The following BANF2 variants were observed in gnomAD, a reference collection of about 807,000 sequenced individuals.
BANF2 encodes the protein barrier-to-autointegration factor-like protein.
In BANF2, 4 loss-of-function variants were observed where a neutral mutation model predicts 8.0. The observed-to-expected ratio is 0.50, with a 90% confidence interval of 0.25 to 1.14. The LOEUF (loss-of-function observed/expected upper bound fraction) is 1.14, where lower values mean the gene tolerates loss of function less well. Ranked by LOEUF, BANF2 falls within the 50% of genes most tolerant of loss-of-function variation. The pLI is 0.16. For synonymous variants in BANF2, 50 were observed against 40.6 expected (o/e 1.23, Z -0.88); for missense variants, 96 against 107.5 (o/e 0.89, Z 0.47).
intron 1 of BANF2, among the ~76,000 whole-genome samples, chr20:17,710,587 C>T (rs1236044013): frequency 3.9e-5 from 6 of 152,136 alleles, no homozygotes; most frequent in Admixed American, 6.6e-5. Flanking sequence ...TTTCTAGTCC[C>T]GGGGTGAGCC....
chr20:17,700,839 T>C (rs1475018), intron 1 of BANF2, among the ~76,000 whole-genome samples: 128,061 of 152,116 alleles, frequency 0.84, 54,573 homozygotes, highest in East Asian at 0.98. Flanking sequence ...GAGGCACAGC[T>C]GCCTTCCCTA....
At chr20:17,706,054 C>T (rs2037477356) in intron 1 of BANF2, among the ~76,000 whole-genome samples, 1 of 152,186 alleles carries the variant, frequency 6.6e-6, no homozygotes, top group Non-Finnish European at 1.5e-5. Flanking sequence ...CCACATGGGT[C>T]TGTACTTAGG....
intron 3 of BANF2, among the ~76,000 whole-genome samples, chr20:17,734,683 G>A (rs191165074): frequency 3.9e-4 from 59 of 152,296 alleles, no homozygotes; most frequent in African/African-American, 1.4e-3. Context: ...GAGGGAGGGT[G>A]CCACCGGCAT....
At chr20:17,708,847 G>T (rs2037526545) in intron 1 of BANF2, among the ~76,000 whole-genome samples, 1 of 152,086 alleles carries the variant, frequency 6.6e-6, no homozygotes, top group Non-Finnish European at 1.5e-5. Context: ...CCCTTCCCAG[G>T]CCCAGAAACA....
At position 17,694,597 on chromosome 20, in the gene BANF2, CTCTCTTTTTTTTTTTT is replaced by C. The variant is rs1489961898; in HGVS notation, c.18+893_18+908del. On this transcript the variant is annotated intron_variant, in intron 1 of 2. Transcript: ENST00000545418. Reference sequence around the variant, plus strand: ...GCAGGGGGCTATTTTTGTTTTTTCTCTCTCTTTTTTTTTTTTTTTTTTTTTTTTTTTTTTTTATTGA... The same window carrying C: ...GCAGGGGGCTATTTTTGTTTTTTCTCTTTTTTTTTTTTTTTTTTTTATTGA... Among the ~76,000 whole-genome samples, 121 of 36,278 alleles carry C rather than the reference CTCTCTTTTTTTTTTTT, an allele frequency of 3.3e-3. 1 individual carries two copies. The highest frequency in any genetic ancestry group is 8.4e-3 in the African/African-American group (114 of 13,652). 23.8% of individuals were successfully genotyped at this position (36,278 alleles called of 152,430 possible). A position where few individuals can be genotyped will look rare whatever the true frequency, so the allele number is the denominator to read the frequency against.
intron 1 of BANF2, among the ~76,000 whole-genome samples, chr20:17,713,570 G>C (rs182321267): frequency 0.035 from 5,247 of 152,002 alleles, 312 homozygotes; most frequent in African/African-American, 0.12. Context: ...GTGGCTTATG[G>C]CTGTAATAAT....
intron 1 of BANF2, among the ~76,000 whole-genome samples, chr20:17,720,796 T>A (rs2037717377): frequency 6.6e-6 from 1 of 152,248 alleles, no homozygotes; most frequent in African/African-American, 2.4e-5. Flanking sequence ...TGGGACATTT[T>A]ATGTTAGGTA....
chr20:17,720,172 T>C lies in BANF2; in HGVS notation c.-166-2544T>C, dbSNP rs543720563. Among the ~76,000 whole-genome samples the C allele has an allele frequency of 2.0e-5, 3 of 152,326 alleles. No homozygotes were observed. In the South Asian group the frequency reaches 6.2e-4, roughly 32 times the overall value. On this transcript the variant is annotated intron_variant, in intron 1 of 3. Transcript: ENST00000246090. Reference sequence around the variant, plus strand: ...TGGTACAGCCGCTTGGAAAACAGTATGGCAATTCCTCAAAAAAATAAAAAT... The same window carrying C: ...TGGTACAGCCGCTTGGAAAACAGTACGGCAATTCCTCAAAAAAATAAAAAT...
chr20:17,715,006 T>C (rs75801304), intron 1 of BANF2, among the ~76,000 whole-genome samples: 31 of 152,174 alleles, frequency 2.0e-4, no homozygotes, highest in Non-Finnish European at 2.8e-4. Context: ...AGACAAAACA[T>C]AGGAAGGAAC....
chr20:17,695,715 T>C (rs942623777), upstream of BANF2, among the ~76,000 whole-genome samples: 9 of 152,104 alleles, frequency 5.9e-5, no homozygotes, highest in Non-Finnish European at 1.3e-4. Context: ...AATTCACACA[T>C]TAAGTGTACA....
At chr20:17,727,187 C>G (rs1024856381) in intron 3 of BANF2, among the ~76,000 whole-genome samples, 1 of 152,210 alleles carries the variant, frequency 6.6e-6, no homozygotes, top group African/African-American at 2.4e-5. Context: ...GACGGTTTGT[C>G]TGTGTGCAGC....
intron 1 of BANF2, among the ~76,000 whole-genome samples, chr20:17,703,414 C>T (rs2037437631): frequency 6.6e-6 from 1 of 152,248 alleles, no homozygotes; most frequent in South Asian, 2.1e-4. Context: ...AGTGTGTGAA[C>T]ATTCTGCAGG....
intron 3 of BANF2, among the ~76,000 whole-genome samples, chr20:17,733,539 G>A (rs1043448230): frequency 1.3e-5 from 2 of 151,908 alleles, no homozygotes; most frequent in South Asian, 2.1e-4. Flanking sequence ...TATGTCTCTC[G>A]TTTCTGTTAC....
chr20:17,693,801 C>T, intron 1 of BANF2: 2 of 1,427,728 alleles, frequency 1.4e-6, no homozygotes, highest in Non-Finnish European at 1.9e-6. Context: ...AGAGGTGTGT[C>T]CAGTGGGAGG....
chr20:17,731,587 AAGACCTCT>A (rs1381944556), intron 3 of BANF2: 2 of 151,848 alleles, frequency 1.3e-5, no homozygotes, highest in African/African-American at 4.8e-5. Flanking sequence ...ATGAAAATGC[AAGACCTCT>A]AGTTCAAATT....
chr20:17,700,798 A>C (rs1038146817), intron 1 of BANF2, among the ~76,000 whole-genome samples: 2 of 152,144 alleles, frequency 1.3e-5, no homozygotes, highest in Non-Finnish European at 2.9e-5. Flanking sequence ...GCCTTCTATA[A>C]CAAACAGTAG....
At chr20:17,715,145 C>T (rs75229517) in intron 1 of BANF2, among the ~76,000 whole-genome samples, 9,466 of 152,254 alleles carry the variant, frequency 0.062, 304 homozygotes, top group Middle Eastern at 0.095. Flanking sequence ...CTCAGCCCAG[C>T]TCCTCCAGCA....
At chr20:17,728,882 C>A (rs1412427182) in intron 3 of BANF2, among the ~76,000 whole-genome samples, 2 of 152,022 alleles carry the variant, frequency 1.3e-5, no homozygotes, top group Non-Finnish European at 2.9e-5. Flanking sequence ...TAAAACACAC[C>A]CTGCAGTGTT....
intron 3 of BANF2, among the ~76,000 whole-genome samples, chr20:17,726,708 T>C (rs1030859278): frequency 6.6e-6 from 1 of 152,244 alleles, no homozygotes; most frequent in Non-Finnish European, 1.5e-5. Context: ...GGCTATCCCC[T>C]ATCCTTAGAG....
Sources: gnomAD v4.1 joint callset for allele counts (sites outside exome capture counted in the v4.1 genomes callset) on GRCh38, gnomAD v4.1.1 for gene constraint, MANE v1.5 for transcripts, NCBI Gene and HGNC (gene_info 2026-07-23, HGNC 2026-07-21) for gene names.